Variants in PBX1 observed in about 807,000 individuals in gnomAD.
PBX1 encodes the protein PBX homeobox 1, also known as pre-B-cell leukemia transcription factor 1.
In PBX1, 6 loss-of-function variants were observed where a neutral mutation model predicts 53.4. The observed-to-expected ratio is 0.11, with a 90% CI of 0.06 to 0.22. PBX1 has a LOEUF of 0.22. PBX1 is among the 10% of genes least tolerant of loss of function. The pLI, the probability that PBX1 is intolerant of heterozygous loss-of-function variation, is 1.00. For missense variants in PBX1, 251 were observed against 551.4 expected, an observed-to-expected ratio of 0.46 and a Z score of 5.46; for synonymous variants, 204 against 212.3, an observed-to-expected ratio of 0.96 and a Z score of 0.34.
At chr1:164,633,214 A>G (rs61636575) in intron 2 of PBX1, among the ~76,000 whole-genome samples, 3,868 of 151,752 alleles carry the variant, frequency 0.025, 180 homozygotes, top group African/African-American at 0.089. Context: ...CAGTGGCACA[A>G]TCTTGGCTCA....
chr1:164,735,157 A>C (rs1665197975), intron 2 of PBX1, among the ~76,000 whole-genome samples: 2 of 152,232 alleles, frequency 1.3e-5, no homozygotes, highest in South Asian at 4.1e-4. Flanking sequence ...CAATTATTTG[A>C]AAAAATCTTG....
chr1:164,671,748 C>G (rs1216102322), intron 2 of PBX1, among the ~76,000 whole-genome samples: 1 of 152,068 alleles, frequency 6.6e-6, no homozygotes, highest in African/African-American at 2.4e-5. Context: ...AATCTGCATT[C>G]AAATCAATAG....
chr1:164,780,491 C>T (rs1013882816), intron 2 of PBX1, among the ~76,000 whole-genome samples: 11 of 152,114 alleles, frequency 7.2e-5, no homozygotes, highest in African/African-American at 2.7e-4. Flanking sequence ...ACCCATTTGA[C>T]CTCCAGGTGT....
chr1:164,719,206 T>G (rs987912424), intron 2 of PBX1, among the ~76,000 whole-genome samples: 3 of 152,242 alleles, frequency 2.0e-5, no homozygotes, highest in Non-Finnish European at 2.9e-5. Context: ...AACTCAATGA[T>G]GAGCCATTTT....
At chr1:164,660,316 T>C (rs1459090821) in intron 2 of PBX1, among the ~76,000 whole-genome samples, 2 of 152,180 alleles carry the variant, frequency 1.3e-5, no homozygotes, top group Non-Finnish European at 2.9e-5. Flanking sequence ...ATGTGGGACA[T>C]GCTGGGGCCT....
At chr1:164,741,103 A>G (rs995106906) in intron 2 of PBX1, among the ~76,000 whole-genome samples, 4 of 152,220 alleles carry the variant, frequency 2.6e-5, no homozygotes, top group African/African-American at 7.2e-5. Flanking sequence ...CGTTTTGCCT[A>G]TCCTCGATAT....
At chr1:164,657,275 A>T (rs562921662) in intron 2 of PBX1, 1 of 152,310 alleles carries the variant, frequency 6.6e-6, no homozygotes, top group South Asian at 2.1e-4. Flanking sequence ...GATGTAGAAG[A>T]TGCATCATAC....
intron 2 of PBX1, among the ~76,000 whole-genome samples, chr1:164,723,880 A>G (rs978463360): frequency 1.3e-5 from 2 of 152,234 alleles, no homozygotes; most frequent in Non-Finnish European, 1.5e-5. Context: ...AACTGTGCAG[A>G]TGAGAAGAAG....
intron 2 of PBX1, among the ~76,000 whole-genome samples, chr1:164,604,606 A>G (rs1044612267): frequency 1.3e-5 from 2 of 152,210 alleles, no homozygotes; most frequent in African/African-American, 4.8e-5. Flanking sequence ...GCCGTTGCCT[A>G]TGCTATCCAC....
chr1:164,660,032 A>G (rs551435211), intron 2 of PBX1, among the ~76,000 whole-genome samples: 7 of 152,294 alleles, frequency 4.6e-5, no homozygotes, highest in African/African-American at 1.7e-4. Flanking sequence ...GTAGTTTGCA[A>G]CCAAAAACCT....
chr1:164,677,599 A>G (rs1661509372), intron 2 of PBX1, among the ~76,000 whole-genome samples: 1 of 152,172 alleles, frequency 6.6e-6, no homozygotes, highest in Non-Finnish European at 1.5e-5. Flanking sequence ...GTATAATGAT[A>G]TTTCAGAGAC....
chr1:164,758,992 A>T (rs1280493898), intron 2 of PBX1, among the ~76,000 whole-genome samples: 1 of 152,172 alleles, frequency 6.6e-6, no homozygotes, highest in Non-Finnish European at 1.5e-5. Flanking sequence ...GAGACTGGCT[A>T]CCCTTGGAGA....
chr1:164,695,194 C>T (rs982208026), intron 2 of PBX1, among the ~76,000 whole-genome samples: 13 of 152,310 alleles, frequency 8.5e-5, no homozygotes, highest in Admixed American at 3.3e-4. Context: ...CACTTTCGCT[C>T]ACTTGAATTC....
chr1:164,669,210 TG>T (rs1373291581), intron 2 of PBX1, among the ~76,000 whole-genome samples: 1 of 152,134 alleles, frequency 6.6e-6, no homozygotes, highest in Non-Finnish European at 1.5e-5. Context: ...ATTATGTTAA[TG>T]GGATGCTATT....
intron 2 of PBX1, among the ~76,000 whole-genome samples, chr1:164,732,707 C>T (rs1378285720): frequency 6.6e-6 from 1 of 152,112 alleles, no homozygotes; most frequent in South Asian, 2.1e-4. Flanking sequence ...TCTACCTGTA[C>T]ACCTCATACC....
chr1:164,562,452 T>TAC (rs6143458), intron 1 of PBX1, among the ~76,000 whole-genome samples: 15,960 of 143,240 alleles, frequency 0.11, 845 homozygotes, highest in Middle Eastern at 0.14. Flanking sequence ...GCATTCAGAA[T>TAC]ACACACACAC....
At chr1:164,742,079 G>T (rs939604354) in intron 2 of PBX1, among the ~76,000 whole-genome samples, 8 of 152,046 alleles carry the variant, frequency 5.3e-5, no homozygotes, top group African/African-American at 1.7e-4. Flanking sequence ...TGAAAAGAAA[G>T]GTAACCTTTC....
chr1:164,590,338 G>A (rs1174584327), intron 2 of PBX1: 1 of 455,830 alleles, frequency 2.2e-6, no homozygotes, highest in Non-Finnish European at 4.4e-6. Context: ...AGCTACCACA[G>A]GGCTCTCCTG....
chr1:164,566,108 C>T (rs1269028422), intron 2 of PBX1, among the ~76,000 whole-genome samples: 1 of 152,034 alleles, frequency 6.6e-6, no homozygotes, highest in East Asian at 1.9e-4. Context: ...GAAATAGATA[C>T]AAAAACTGGC....
Sources: gnomAD v4.1 joint callset for allele counts (sites outside exome capture counted in the v4.1 genomes callset) on GRCh38, gnomAD v4.1.1 for gene constraint, MANE v1.5 for transcripts, NCBI Gene and HGNC (gene_info 2026-07-23, HGNC 2026-07-21) for gene names.